Variants in SLC7A8 observed in about 807,000 individuals in gnomAD.
SLC7A8 encodes the protein large neutral amino acids transporter small subunit 2.
Under a neutral mutation model 51.2 loss-of-function variants are expected in SLC7A8, and 30 were observed. That is an observed-to-expected ratio of 0.59 (90% CI 0.44 to 0.80). The LOEUF is 0.80. SLC7A8 is among the 30% of genes least tolerant of loss of function. The pLI is 0.00. For synonymous variants in SLC7A8, 257 were observed against 275.8 expected (o/e 0.93, Z 0.67); for missense variants, 612 against 674.4 (o/e 0.91, Z 1.03).
At chr14:23,139,684 G>T in intron 5 of SLC7A8, 137 bp from the exon 6 acceptor site, 1 of 1,128,970 alleles carries the variant, frequency 8.9e-7, no homozygotes, top group Non-Finnish European at 1.2e-6. Flanking sequence ...TCCCTGGGAG[G>T]TGGGCTTTGT....
chr14:23,131,682 C>T, intron 7 of SLC7A8, 125 bp from the exon 8 acceptor site: 1 of 620,756 alleles, frequency 1.6e-6, no homozygotes, highest in Non-Finnish European at 2.7e-6. Context: ...CCCGCCTTCA[C>T]ATGCATACTT....
intron 7 of SLC7A8, among the ~76,000 whole-genome samples, chr14:23,133,440 C>CAAAAAAAAAAAAAAAAAGAAA: frequency 1.1e-5 from 1 of 93,224 alleles, no homozygotes; most frequent in African/African-American, 4.1e-5. Flanking sequence ...GAACCTGTCT[C>CAAAAAAAAAAAAAAAAAGAAA]AAAAAAAAAA....
intron 4 of SLC7A8, among the ~76,000 whole-genome samples, chr14:23,142,250 A>G (rs376176482): frequency 1.3e-3 from 195 of 152,336 alleles, no homozygotes; most frequent in African/African-American, 4.5e-3. Flanking sequence ...GCAGAGCCTC[A>G]TGGTGCCATG....
intron 4 of SLC7A8, 136 bp from the exon 5 acceptor site, chr14:23,140,760 A>C (rs1057160630): frequency 1.2e-6 from 1 of 817,736 alleles, no homozygotes; most frequent in Non-Finnish European, 1.9e-6. Context: ...TGAACCCAAC[A>C]TATTGGATAA....
In SLC7A8 at chr14:23,125,761, C is replaced by G. The variant is rs1228246515; in HGVS notation, c.*1416G>C. The G allele has an allele frequency of 6.6e-6, 1 of 152,600 alleles. No homozygotes were observed. The highest frequency in any genetic ancestry group is 1.5e-5 in the Non-Finnish European group (1 of 68,116). 9.5% of individuals were successfully genotyped at this position (152,600 alleles called of 1,614,324 possible). On this transcript the variant is annotated 3_prime_UTR_variant, in exon 11 of 11. Coordinates refer to ENST00000316902, the MANE Select transcript of SLC7A8 (RefSeq NM_012244.4). ...GAATTCGGGGTGGGGGAGAGAATCC[C>G]GATTTGTGATAAAAGGATCCTAAGT...
chr14:23,166,305 A>G (rs769458177), intron 2 of SLC7A8, 31 bp downstream of exon 2: 2 of 1,606,354 alleles, frequency 1.2e-6, no homozygotes, highest in Non-Finnish European at 1.7e-6. Flanking sequence ...CTTTTCCCCT[A>G]GACCATTCAG....
intron 3 of SLC7A8, among the ~76,000 whole-genome samples, chr14:23,153,294 ATG>A: frequency 6.6e-6 from 1 of 152,274 alleles, no homozygotes; most frequent in East Asian, 1.9e-4. Flanking sequence ...CTCATTTTAT[ATG>A]TGAGTGAATT....
At chr14:23,151,474 C>T (rs1426842229) in intron 3 of SLC7A8, among the ~76,000 whole-genome samples, 1 of 152,114 alleles carries the variant, frequency 6.6e-6, no homozygotes, top group East Asian at 1.9e-4. Flanking sequence ...TCACAAAGTA[C>T]AGCCAGGCAC....
chr14:23,164,396 T>A (rs1486943870), intron 3 of SLC7A8, among the ~76,000 whole-genome samples: 1 of 152,232 alleles, frequency 6.6e-6, no homozygotes, highest in Non-Finnish European at 1.5e-5. Context: ...TCAGGAGCCC[T>A]TGCACTCCAC....
intron 1 of SLC7A8, among the ~76,000 whole-genome samples, chr14:23,170,516 T>C (rs1032900344): frequency 2.6e-5 from 4 of 152,156 alleles, no homozygotes; most frequent in African/African-American, 7.2e-5. Flanking sequence ...TGAAGTGCAG[T>C]GGTGCGATCT....
Position 23,136,066 on chromosome 14 carries a change from T to C in SLC7A8, c.1016+1855A>G, listed in dbSNP as rs563154502. Among the ~76,000 whole-genome samples, 202 of 152,204 alleles carry C rather than the reference T, an allele frequency of 1.3e-3. 1 individual carries two copies. Among genetic ancestry groups the C allele is most frequent in the African/African-American group, 4.7e-3 (195 of 41,480 alleles). On this transcript the variant is annotated intron_variant, in intron 7 of 10. Coordinates refer to ENST00000316902, the MANE Select transcript of SLC7A8 (RefSeq NM_012244.4). ...AGCTTGATAGGAACAAAAAGGCACA[T>C]ATTCAGCACACTGGGAGTTCAGAGG...
Position 23,127,082 on chromosome 14 carries a change from G to A in SLC7A8, c.*95C>T. ...CCACTGCCTGACAAAAGCAGAGAGA[G>A]GGGTGTGTGTGTACTCGCATGTGTT... is the stretch of plus-strand genomic sequence containing the variant. On this transcript the variant is annotated 3_prime_UTR_variant, in exon 11 of 11. Transcript: ENST00000316902. 1 of 1,438,022 alleles carries A rather than the reference G, an allele frequency of 7.0e-7. No homozygotes were observed. The highest frequency in any genetic ancestry group is 9.6e-7 in the Non-Finnish European group (1 of 1,037,244). 89.1% of individuals were successfully genotyped at this position (1,438,022 alleles called of 1,614,324 possible). A position where few individuals can be genotyped will look rare whatever the true frequency, so the allele number is the denominator to read the frequency against.
chr14:23,174,984 A>G (rs1402884569), intron 1 of SLC7A8, among the ~76,000 whole-genome samples: 1 of 152,196 alleles, frequency 6.6e-6, no homozygotes, highest in African/African-American at 2.4e-5. Flanking sequence ...TCCTACAATA[A>G]CAACAAAACA....
chr14:23,166,248 CT>C, intron 2 of SLC7A8, 87 bp downstream of exon 2: 1 of 1,447,388 alleles, frequency 6.9e-7, no homozygotes, highest in Non-Finnish European at 9.5e-7. Context: ...CTGGAAACCC[CT>C]GGCCTTGGCT....
Position 23,127,059 on chromosome 14 carries a change from A to T in SLC7A8, c.*118T>A. On this transcript the variant is annotated 3_prime_UTR_variant, in exon 11 of 11. Coordinates refer to ENST00000316902, the MANE Select transcript of SLC7A8 (RefSeq NM_012244.4). ...TCACCACCCACACCAAAGTCCTACC[A>T]CTGCCTGACAAAAGCAGAGAGAGGG... 1 of 1,294,686 alleles carries T rather than the reference A, an allele frequency of 7.7e-7. No homozygotes were observed. The highest frequency in any genetic ancestry group is 1.1e-6 in the Non-Finnish European group (1 of 920,242). 80.2% of individuals were successfully genotyped at this position (1,294,686 alleles called of 1,614,324 possible).
At chr14:23,139,287 T>G in intron 6 of SLC7A8, 137 bp downstream of exon 6, 1 of 1,342,764 alleles carries the variant, frequency 7.4e-7, no homozygotes, top group South Asian at 1.2e-5. Context: ...CAATGACATA[T>G]GTGGTTTCTG....
chr14:23,148,049 T>G (rs1327276979), intron 3 of SLC7A8, among the ~76,000 whole-genome samples: 1 of 152,132 alleles, frequency 6.6e-6, no homozygotes, highest in Non-Finnish European at 1.5e-5. Context: ...GACTTTGATC[T>G]CCAGGAATTA....
At chr14:23,162,884 G>A (rs555140679) in intron 3 of SLC7A8, among the ~76,000 whole-genome samples, 1 of 152,142 alleles carries the variant, frequency 6.6e-6, no homozygotes, top group East Asian at 1.9e-4. Context: ...AGCCTCGGGG[G>A]TTCTTGATTT....
chr14:23,174,489 T>A (rs17256099), intron 1 of SLC7A8, among the ~76,000 whole-genome samples: 1 of 152,146 alleles, frequency 6.6e-6, no homozygotes, highest in East Asian at 1.9e-4. Context: ...TGGGAAGACA[T>A]GTGACTGTGA....
Sources: allele counts gnomAD v4.1 joint callset (sites outside exome capture counted in the v4.1 genomes callset), GRCh38; gene constraint gnomAD v4.1.1; transcripts MANE v1.5; gene names NCBI Gene and HGNC (gene_info 2026-07-23, HGNC 2026-07-21).